The following SLC7A10 variants were observed in gnomAD, a reference collection of about 807,000 sequenced individuals.
SLC7A10 encodes the protein asc-type amino acid transporter 1.
Under a neutral mutation model 52.7 loss-of-function variants are expected in SLC7A10, and 30 were observed. The observed-to-expected ratio is 0.57, with a 90% CI of 0.43 to 0.77. The LOEUF is 0.77. SLC7A10 is among the 30% of genes least tolerant of loss of function. The pLI is 0.00. For missense variants in SLC7A10, 581 were observed against 698.5 expected, an observed-to-expected ratio of 0.83 and a Z score of 1.90; for synonymous variants, 318 against 314.9, an observed-to-expected ratio of 1.01 and a Z score of -0.10.
At chr19:33,211,932 G>A (rs1974562776) in intron 5 of SLC7A10, 4 of 477,714 alleles carry the variant, frequency 8.4e-6, no homozygotes, top group Non-Finnish European at 7.6e-6. Flanking sequence ...GTTTACTGTC[G>A]AGATCCCTGG....
At position 33,212,276 on chromosome 19, in the gene SLC7A10, TGGG is replaced by T; in HGVS notation, c.788+13_788+15del. ...GCCTGGCTGCTTCCCAGGGCCCAGT[TGGG>T]GGCCCCACTCACTTTCGGGCGTCAA... is the stretch of plus-strand genomic sequence containing the variant. On this transcript the variant is annotated intron_variant, in intron 5 of 10. Transcript: ENST00000253188. 1.3e-6 allele frequency: 2 copies of T among 1,591,298 alleles called. No individual in the cohort carries two copies. The highest frequency in any genetic ancestry group is 1.7e-6 in the Non-Finnish European group (2 of 1,169,728).
intron 1 of SLC7A10, chr19:33,217,956 A>C (rs1401971553): frequency 6.6e-6 from 1 of 152,218 alleles, no homozygotes; most frequent in African/African-American, 2.4e-5. Flanking sequence ...CATCTAGCAG[A>C]GGGGCCCAGG....
At chr19:33,218,671 T>TTTCTTTCTCTCTCTC (rs369226143) in intron 1 of SLC7A10, among the ~76,000 whole-genome samples, 1 of 78,254 alleles carries the variant, frequency 1.3e-5, no homozygotes, top group South Asian at 3.7e-4. Flanking sequence ...ATTTCTTTCT[T>TTTCTTTCTCTCTCTC]TCTTTCTTTC....
At chr19:33,209,242 A>G in intron 10 of SLC7A10, 66 bp downstream of exon 10, 1 of 1,602,850 alleles carries the variant, frequency 6.2e-7, no homozygotes, top group Admixed American at 1.7e-5. Flanking sequence ...GTGAGCCTCT[A>G]AGAGGGAGGT....
At chr19:33,218,499 T>C (rs1974737172) in intron 1 of SLC7A10, among the ~76,000 whole-genome samples, 1 of 151,312 alleles carries the variant, frequency 6.6e-6, no homozygotes, top group Non-Finnish European at 1.5e-5. Flanking sequence ...CATCACGCAC[T>C]CCGCACACTG....
chr19:33,216,320 G>A (rs1462570236), intron 1 of SLC7A10, among the ~76,000 whole-genome samples: 11 of 152,140 alleles, frequency 7.2e-5, no homozygotes, highest in East Asian at 1.9e-4. Context: ...CCACCTGAGC[G>A]ACGGCAGACG....
chr19:33,210,062 T>C lies in SLC7A10; in HGVS notation c.1263+405A>G, dbSNP rs1164769908. On this transcript the variant is annotated intron_variant, in intron 9 of 10. Coordinates refer to ENST00000253188, the MANE Select transcript of SLC7A10 (RefSeq NM_019849.3). This position sits in a 1 kb window ranked among gnomAD's most constrained non-coding sequence, Gnocchi z 5.6. ...CTCAAGCGATCCTCCCATTTCAGCC[T>C]CTCAAGTAGCTGGGACCACAGGTGC... is the stretch of plus-strand genomic sequence containing the variant. 6.6e-6 allele frequency among the ~76,000 whole-genome samples: 1 copy of C among 151,770 alleles called. No individual in the cohort carries two copies. Among genetic ancestry groups the C allele is most frequent in the Admixed American group, 6.6e-5 (1 of 15,218 alleles).
intron 2 of SLC7A10, among the ~76,000 whole-genome samples, chr19:33,215,234 C>G (rs1259291593): frequency 6.8e-6 from 1 of 147,694 alleles, no homozygotes; most frequent in East Asian, 2.0e-4. Context: ...CGCCATTGCA[C>G]TCCAGCCTGG....
chr19:33,210,438 G>A lies in SLC7A10; in HGVS notation c.1263+29C>T, dbSNP rs948166984. The A allele has an allele frequency of 2.6e-6, 4 of 1,558,186 alleles. No individual in the cohort carries two copies. The highest frequency in any genetic ancestry group is 2.7e-5 in the African/African-American group (2 of 73,754). ...GCAGGGGTGGCTCTGGCAGCACCCG[G>A]CACAGGGCCAGCTGTCCCAGGGCCT... On this transcript the variant is annotated intron_variant, in intron 9 of 10. Transcript: ENST00000253188. The surrounding 1 kb of genome is among the most constrained non-coding windows in gnomAD (Gnocchi z 5.6).
chr19:33,217,260 C>T (rs1016680967), intron 1 of SLC7A10, among the ~76,000 whole-genome samples: 2 of 152,096 alleles, frequency 1.3e-5, no homozygotes, highest in Non-Finnish European at 2.9e-5. Flanking sequence ...TGACCACCCA[C>T]TTCGGCCTCC....
Position 33,215,964 on chromosome 19 carries a change from A to G in SLC7A10, c.161T>C (p.Ile54Thr). The change falls in exon 2 of 11, where the codon ATC (isoleucine) becomes ACC (threonine). Residue 54 changes from isoleucine to threonine, a missense_variant. Ile to Thr is a moderately conservative substitution (Grantham distance 89). Coordinates refer to ENST00000253188, the MANE Select transcript of SLC7A10 (RefSeq NM_019849.3). ...SACTIIIGNI[I>T]GSGIFISPKG... ...GGGCGAGATGAAGATGCCCGAGCCG[A>G]TGATGTTCCCTGCAGGGGGAGAGAT... 1 of 1,585,904 alleles carries G rather than the reference A, an allele frequency of 6.3e-7. No homozygotes were observed. Among genetic ancestry groups the G allele is most frequent in the South Asian group, 1.1e-5 (1 of 89,000 alleles).
At chr19:33,215,267 CAAAAAAAAA>C (rs56214783) in intron 2 of SLC7A10, among the ~76,000 whole-genome samples, 2 of 115,620 alleles carry the variant, frequency 1.7e-5, no homozygotes, top group Non-Finnish European at 1.7e-5. Flanking sequence ...GACTCTGTCT[CAAAAAAAAA>C]AAAAAAAAAA....
chr19:33,211,637 C>A, intron 5 of SLC7A10, 100 bp from the exon 6 acceptor site: 1 of 1,598,248 alleles, frequency 6.3e-7, no homozygotes. Context: ...TCTCTTGTGT[C>A]TGCTGGGGAT....
At chr19:33,219,507 C>T (rs1328525559) in intron 1 of SLC7A10, among the ~76,000 whole-genome samples, 1 of 152,242 alleles carries the variant, frequency 6.6e-6, no homozygotes, top group Non-Finnish European at 1.5e-5. Context: ...GGCCAGGACA[C>T]TGGCACCAGT....
In SLC7A10 at chr19:33,223,126, G is replaced by A. The variant is rs531299033; in HGVS notation, c.151+2427C>T. ...AGTTCGAGACCAGCCTGGCCAACAT[G>A]GTGAAACTCTGTCTCTACTGAAAAT... On this transcript the variant is annotated intron_variant, in intron 1 of 10. Coordinates refer to ENST00000253188, the MANE Select transcript of SLC7A10 (RefSeq NM_019849.3). Among the ~76,000 whole-genome samples, 14 of 152,206 alleles carry A rather than the reference G, an allele frequency of 9.2e-5. No homozygotes were observed. The East Asian group carries it at 2.7e-3, about 29-fold the overall frequency.
rs750481544 is a variant in SLC7A10, at chr19:33,212,844, T to C, written c.508+7A>G. The C allele has an allele frequency of 6.2e-7, 1 of 1,613,312 alleles. No homozygotes were observed. The highest frequency in any genetic ancestry group is 1.7e-5 in the Admixed American group (1 of 59,984). Reference sequence around the variant, plus strand: ...TCTGGGGACAGTGGGCCAAAGGGGATGCTTACTCAGGCAGGCCATGGACAG... The same window carrying C: ...TCTGGGGACAGTGGGCCAAAGGGGACGCTTACTCAGGCAGGCCATGGACAG... On this transcript the variant is annotated splice_region_variant and intron_variant, in intron 3 of 10. Transcript: ENST00000253188.
At chr19:33,223,941 C>T (rs1974866841) in intron 1 of SLC7A10, among the ~76,000 whole-genome samples, 2 of 101,058 alleles carry the variant, frequency 2.0e-5, no homozygotes, top group South Asian at 6.5e-4. Flanking sequence ...CCACCTCTAC[C>T]ATCACCACCA....
chr19:33,216,598 T>TTCCTTTCCTTTC (rs1403156225), intron 1 of SLC7A10, among the ~76,000 whole-genome samples: 1 of 152,018 alleles, frequency 6.6e-6, no homozygotes, highest in Admixed American at 6.5e-5. Flanking sequence ...TCAATTTCCT[T>TTCCTTTCCTTTC]TCCTTTCCTT....
In SLC7A10 at chr19:33,210,833, T is replaced by C. The variant is rs1222578638; in HGVS notation, c.1082A>G (p.His361Arg). 1.3e-5 allele frequency: 21 copies of C among 1,613,434 alleles called. No individual in the cohort carries two copies. Among genetic ancestry groups the C allele is most frequent in the Non-Finnish European group, 1.6e-5 (19 of 1,180,028 alleles). Residue 361 changes from histidine to arginine, a missense_variant, in exon 8 of 11, where the codon CAC becomes CGC. By Grantham distance (29) the His-to-Arg change is conservative. Coordinates refer to ENST00000253188, the MANE Select transcript of SLC7A10 (RefSeq NM_019849.3). This position sits in a 1 kb window ranked among gnomAD's most constrained non-coding sequence, Gnocchi z 5.6. ...GAGGAGGGCGGGGATGGGGGTGCAG[T>C]GTCTGACGTGGATCATGGCCAGCAG... The part of the protein sequence containing the change: ...PSLLAMIHVR[H>R]CTPIPALLVC...
Sources: gnomAD v4.1 joint callset for allele counts (sites outside exome capture counted in the v4.1 genomes callset) on GRCh38, gnomAD v4.1.1 for gene constraint, Gnocchi (gnomAD v3.1) non-coding constraint, MANE v1.5 for transcripts, NCBI Gene and HGNC (gene_info 2026-07-23, HGNC 2026-07-21) for gene names.